PTPRD: variants seen among roughly 807,000 people sequenced by gnomAD.
The protein encoded by PTPRD is protein tyrosine phosphatase receptor type D.
In PTPRD, 34 loss-of-function variants were observed where a neutral mutation model predicts 214.5. The ratio of observed to expected loss-of-function variants is 0.16; its 90% confidence interval spans 0.12 to 0.21. PTPRD has a LOEUF of 0.21. Ranked by LOEUF, PTPRD falls within the 10% of genes least tolerant of loss-of-function variation. The pLI is 1.00. For synonymous variants in PTPRD, 1,128 were observed against 845.7 expected (o/e 1.33, Z -5.79); for missense variants, 2,545 against 2,398.7 (o/e 1.06, Z -1.27).
chr9:9,942,971 G>T (rs923240237), intron 4 of PTPRD, among the ~76,000 whole-genome samples: 4 of 150,700 alleles, frequency 2.7e-5, no homozygotes, highest in Admixed American at 6.6e-5. Context: ...ATCACAAAGC[G>T]GTGCCACAGT....
chr9:9,278,596 T>C (rs1293324215), intron 9 of PTPRD, among the ~76,000 whole-genome samples: 3 of 151,298 alleles, frequency 2.0e-5, no homozygotes, highest in African/African-American at 7.3e-5. Context: ...GACCTCACTC[T>C]GAGTAGAGAG....
At chr9:10,124,996 G>C (rs545690356) in intron 3 of PTPRD, among the ~76,000 whole-genome samples, 3 of 152,282 alleles carry the variant, frequency 2.0e-5, no homozygotes, top group Non-Finnish European at 2.9e-5. Flanking sequence ...CATAGCTCAT[G>C]ACAGAAAAGT....
intron 3 of PTPRD, among the ~76,000 whole-genome samples, chr9:10,317,467 G>A (rs2096463567): frequency 6.6e-6 from 1 of 151,890 alleles, no homozygotes; most frequent in Non-Finnish European, 1.5e-5. Flanking sequence ...GCAAAAAAAG[G>A]AAAGTATAAT....
At chr9:9,370,876 G>A (rs1267433666) in intron 9 of PTPRD, among the ~76,000 whole-genome samples, 3 of 151,970 alleles carry the variant, frequency 2.0e-5, no homozygotes, top group Non-Finnish European at 2.9e-5. Context: ...TAATCATGTG[G>A]TTTTTGTCTT....
chr9:9,601,139 GTGTGTGTGTGT>G (rs2093721869), intron 7 of PTPRD, among the ~76,000 whole-genome samples: 1 of 127,464 alleles, frequency 7.8e-6, no homozygotes, highest in African/African-American at 3.5e-5. Context: ...GTGTGTGTGT[GTGTGTGTGTGT>G]ATGGGGGGGG....
chr9:8,331,700 T>C lies in PTPRD; in HGVS notation c.5416A>G (p.Thr1806Ala), dbSNP rs759164648. Residue 1806 changes from threonine to alanine, a missense_variant, in exon 44 of 46, where the codon ACT becomes GCT. Transcript: ENST00000381196. ...QSRTVRQFQF[T>A]DWPEQGVPKS... ...GGCACTCCTTGCTCTGGCCAGTCAG[T>C]GAACTGGAACTGCCTTACTGTTCGG... 2.5e-6 allele frequency: 4 copies of C among 1,612,856 alleles called. No homozygotes were observed. Among genetic ancestry groups the C allele is most frequent in the South Asian group, 1.1e-5 (1 of 90,864 alleles).
intron 11 of PTPRD, among the ~76,000 whole-genome samples, chr9:8,755,147 T>TA (rs1255406696): frequency 8.6e-5 from 13 of 151,128 alleles, no homozygotes; most frequent in Admixed American, 6.6e-4. Flanking sequence ...ACTGTTTTGC[T>TA]AAACATATAC....
At chr9:9,341,216 C>T (rs2046666374) in intron 9 of PTPRD, among the ~76,000 whole-genome samples, 1 of 152,032 alleles carries the variant, frequency 6.6e-6, no homozygotes, top group African/African-American at 2.4e-5. Context: ...TTTCCTGGCC[C>T]CACCAGCCTT....
intron 3 of PTPRD, among the ~76,000 whole-genome samples, chr9:10,272,234 G>C (rs527485389): frequency 6.6e-6 from 1 of 152,000 alleles, no homozygotes; most frequent in Non-Finnish European, 1.5e-5. Context: ...GGCTTCTTTC[G>C]CTTAACATAA....
chr9:9,061,016 A>C (rs2099706234), intron 10 of PTPRD, among the ~76,000 whole-genome samples: 1 of 152,172 alleles, frequency 6.6e-6, no homozygotes, highest in African/African-American at 2.4e-5. Flanking sequence ...ATACTTAAAT[A>C]ACTTCATTTC....
At chr9:8,581,734 G>C (rs144293132) in intron 14 of PTPRD, among the ~76,000 whole-genome samples, 1 of 148,900 alleles carries the variant, frequency 6.7e-6, no homozygotes, top group Non-Finnish European at 1.5e-5. Context: ...ACGACAGAGC[G>C]AGACTCCATC....
chr9:9,771,454 G>T (rs1447519688), intron 5 of PTPRD, among the ~76,000 whole-genome samples: 6 of 152,154 alleles, frequency 3.9e-5, no homozygotes, highest in Non-Finnish European at 8.8e-5. Context: ...TGTCACACAT[G>T]ACAAGTTTAT....
intron 8 of PTPRD, among the ~76,000 whole-genome samples, chr9:9,412,147 C>G (rs976078309): frequency 1.3e-5 from 2 of 152,002 alleles, no homozygotes; most frequent in Admixed American, 1.3e-4. Flanking sequence ...TTTTTCTTTT[C>G]TTTTCTTTTT....
chr9:9,959,947 A>G (rs1484071143), intron 4 of PTPRD, among the ~76,000 whole-genome samples: 2 of 152,302 alleles, frequency 1.3e-5, no homozygotes, highest in South Asian at 4.1e-4. Context: ...TACATGGGTT[A>G]TGATTAAGCA....
chr9:9,504,310 A>T (rs2096518616), intron 8 of PTPRD, among the ~76,000 whole-genome samples: 1 of 151,682 alleles, frequency 6.6e-6, no homozygotes, highest in South Asian at 2.1e-4. Flanking sequence ...ATATTGCTCA[A>T]ATATGACCAC....
intron 6 of PTPRD, among the ~76,000 whole-genome samples, chr9:9,741,112 A>G (rs2098395594): frequency 6.6e-6 from 1 of 152,182 alleles, no homozygotes; most frequent in Non-Finnish European, 1.5e-5. Context: ...CAATATGAGG[A>G]AGTAGTAGAG....
At chr9:10,339,932 A>G (rs2096908389) in intron 3 of PTPRD, among the ~76,000 whole-genome samples, 1 of 151,756 alleles carries the variant, frequency 6.6e-6, no homozygotes, top group Non-Finnish European at 1.5e-5. Context: ...CTGAAATAAC[A>G]CCTTATTCTT....
chr9:8,778,862 T>C (rs1490146593), intron 11 of PTPRD, among the ~76,000 whole-genome samples: 1 of 152,176 alleles, frequency 6.6e-6, no homozygotes, highest in Non-Finnish European at 1.5e-5. Flanking sequence ...TTCAGTGAAG[T>C]AACACATGTA....
intron 11 of PTPRD, among the ~76,000 whole-genome samples, chr9:8,782,849 C>CT (rs1203598895): frequency 1.3e-5 from 2 of 152,016 alleles, no homozygotes; most frequent in East Asian, 1.9e-4. Context: ...CCTCCTTGGC[C>CT]CCCCGCAAAG....
Sources: allele counts gnomAD v4.1 joint callset (sites outside exome capture counted in the v4.1 genomes callset), GRCh38; gene constraint gnomAD v4.1.1; transcripts MANE v1.5; gene names NCBI Gene and HGNC (gene_info 2026-07-23, HGNC 2026-07-21).